NFIA: variants seen among roughly 807,000 people sequenced by gnomAD.
The protein encoded by NFIA is nuclear factor I A, also known as nuclear factor 1 A-type.
Under a neutral mutation model 62.8 loss-of-function variants are expected in NFIA, and 8 were observed. The ratio of observed to expected loss-of-function variants is 0.13; its 90% CI spans 0.07 to 0.23. NFIA has a LOEUF of 0.23. Ranked by LOEUF, NFIA falls within the 10% of genes least tolerant of loss-of-function variation. NFIA has a pLI of 1.00. For synonymous variants in NFIA, 235 were observed against 238.1 expected, an observed-to-expected ratio of 0.99 and a Z score of 0.12; for missense variants, 410 against 642.1, an observed-to-expected ratio of 0.64 and a Z score of 3.91.
At chr1:61,102,572 T>C (rs1361539920) in intron 2 of NFIA, among the ~76,000 whole-genome samples, 1 of 152,194 alleles carries the variant, frequency 6.6e-6, no homozygotes, top group Non-Finnish European at 1.5e-5. Flanking sequence ...CTGTTTCCTT[T>C]AGTTTTCCCT....
intron 3 of NFIA, among the ~76,000 whole-genome samples, chr1:61,278,843 C>T (rs1160772237): frequency 1.3e-5 from 2 of 152,134 alleles, no homozygotes; most frequent in Non-Finnish European, 2.9e-5. Flanking sequence ...AATTCTGCCT[C>T]TCCTATTTCT....
At chr1:61,437,031 G>A (rs1380712519) in intron 10 of NFIA, among the ~76,000 whole-genome samples, 1 of 152,188 alleles carries the variant, frequency 6.6e-6, no homozygotes, top group Non-Finnish European at 1.5e-5. Flanking sequence ...GTCTGAATGT[G>A]TTGAGATAAT....
At chr1:61,392,896 C>A (rs970757047) in intron 7 of NFIA, among the ~76,000 whole-genome samples, 1 of 152,162 alleles carries the variant, frequency 6.6e-6, no homozygotes, top group Non-Finnish European at 1.5e-5. Context: ...TCCTTTGCCC[C>A]TTTCTCTCTG....
chr1:61,175,446 T>C (rs376005342), intron 2 of NFIA, among the ~76,000 whole-genome samples: 2 of 152,186 alleles, frequency 1.3e-5, no homozygotes, highest in Non-Finnish European at 1.5e-5. Context: ...CTGGCCCTTA[T>C]CATGATTTTG....
chr1:61,381,122 A>G (rs1176884133), intron 6 of NFIA, among the ~76,000 whole-genome samples: 1 of 151,368 alleles, frequency 6.6e-6, no homozygotes, highest in Non-Finnish European at 1.5e-5. Context: ...AAAATCTGCC[A>G]CCTTTAAAGT....
At chr1:61,202,963 A>G (rs1392754519) in intron 2 of NFIA, among the ~76,000 whole-genome samples, 1 of 152,250 alleles carries the variant, frequency 6.6e-6, no homozygotes, top group African/African-American at 2.4e-5. Flanking sequence ...TAAACTATGT[A>G]AACAACAAAA....
chr1:61,433,761 C>T (rs969693541), intron 10 of NFIA, among the ~76,000 whole-genome samples: 1 of 151,964 alleles, frequency 6.6e-6, no homozygotes, highest in Non-Finnish European at 1.5e-5. Context: ...ATTGTTATCC[C>T]CACTGTATAG....
At chr1:61,443,502 G>T (rs896803046) in intron 10 of NFIA, among the ~76,000 whole-genome samples, 1 of 152,058 alleles carries the variant, frequency 6.6e-6, no homozygotes, top group Non-Finnish European at 1.5e-5. Flanking sequence ...TTTATCTGAC[G>T]CATCACATGT....
At chr1:61,354,676 A>G (rs1662734295) in intron 5 of NFIA, among the ~76,000 whole-genome samples, 1 of 152,188 alleles carries the variant, frequency 6.6e-6, no homozygotes, top group African/African-American at 2.4e-5. Flanking sequence ...TCCTCTTGAG[A>G]ATAGGACTGA....
intron 3 of NFIA, among the ~76,000 whole-genome samples, chr1:61,320,539 T>G (rs1480276866): frequency 1.3e-5 from 2 of 152,208 alleles, no homozygotes; most frequent in African/African-American, 4.8e-5. Flanking sequence ...ATTTGGAGTC[T>G]TAGAAAAGTA....
intron 2 of NFIA, among the ~76,000 whole-genome samples, chr1:61,263,408 A>C (rs1656895862): frequency 6.6e-6 from 1 of 152,166 alleles, no homozygotes; most frequent in African/African-American, 2.4e-5. Context: ...TGGGGTGAGG[A>C]TGTGTGATAA....
At chr1:61,282,464 T>C (rs1342856752) in intron 3 of NFIA, among the ~76,000 whole-genome samples, 1 of 152,218 alleles carries the variant, frequency 6.6e-6, no homozygotes, top group African/African-American at 2.4e-5. Context: ...ACAGAGCATT[T>C]AAAATGCCTG....
At chr1:61,348,240 C>A (rs1176915951) in intron 4 of NFIA, among the ~76,000 whole-genome samples, 1 of 152,224 alleles carries the variant, frequency 6.6e-6, no homozygotes, top group Non-Finnish European at 1.5e-5. Flanking sequence ...AATAAGCCAA[C>A]TGTCCATGTG....
At chr1:61,406,533 T>C in intron 8 of NFIA, 29 bp from the exon 9 acceptor site, 2 of 1,501,952 alleles carry the variant, frequency 1.3e-6, no homozygotes, top group Non-Finnish European at 1.8e-6. Flanking sequence ...TTCTTGTACG[T>C]GTGTTTTCTG....
intron 3 of NFIA, among the ~76,000 whole-genome samples, chr1:61,296,024 A>G (rs1476012223): frequency 2.6e-5 from 4 of 152,230 alleles, no homozygotes; most frequent in Non-Finnish European, 5.9e-5. Context: ...GTGCACCCCC[A>G]TGACTGCAGA....
chr1:61,329,986 G>A (rs1364650578), intron 3 of NFIA, among the ~76,000 whole-genome samples: 5 of 152,152 alleles, frequency 3.3e-5, no homozygotes, highest in East Asian at 1.9e-4. Flanking sequence ...TCACAGAAGC[G>A]GTGGGGACTG....
chr1:61,405,603 G>A (rs1042052741), intron 8 of NFIA, among the ~76,000 whole-genome samples: 1 of 152,090 alleles, frequency 6.6e-6, no homozygotes, highest in Non-Finnish European at 1.5e-5. Context: ...GGGAAACAAT[G>A]AAAAAACTGA....
upstream of NFIA, among the ~76,000 whole-genome samples, chr1:61,081,167 G>C (rs1441123899): frequency 1.3e-5 from 2 of 152,038 alleles, no homozygotes; most frequent in East Asian, 3.9e-4. Flanking sequence ...TCATGAGGAA[G>C]AGAAGTAAAA....
At chr1:61,240,531 T>A (rs554861485) in intron 2 of NFIA, among the ~76,000 whole-genome samples, 36 of 152,182 alleles carry the variant, frequency 2.4e-4, no homozygotes, top group Admixed American at 2.0e-3. Context: ...GTCTTTTTTT[T>A]AATCGTAAAT....
Sources: allele counts gnomAD v4.1 joint callset (sites outside exome capture counted in the v4.1 genomes callset), GRCh38; gene constraint gnomAD v4.1.1; transcripts MANE v1.5; gene names NCBI Gene and HGNC (gene_info 2026-07-23, HGNC 2026-07-21).